The following PRSS23 variants were observed in gnomAD, a reference collection of about 807,000 sequenced individuals.
PRSS23 encodes serine protease 23.
PRSS23 carries 25 observed loss-of-function variants against 34.7 expected under a neutral mutation model. That is an observed-to-expected ratio of 0.72 (90% CI 0.53 to 1.01). PRSS23 has a LOEUF of 1.01. PRSS23 is among the 50% of genes least tolerant of loss of function. The pLI is 0.00. For missense variants in PRSS23, 445 were observed against 475.6 expected, an observed-to-expected ratio of 0.94 and a Z score of 0.60; for synonymous variants, 176 against 186.6, an observed-to-expected ratio of 0.94 and a Z score of 0.46.
intron 2 of PRSS23, among the ~76,000 whole-genome samples, chr11:86,942,418 A>G (rs531037174): frequency 1.9e-3 from 287 of 152,328 alleles, no homozygotes; most frequent in Non-Finnish European, 3.7e-3. Context: ...CATTTACCTC[A>G]TATCAAGTGG....
At chr11:86,803,987 T>C (rs1489663110) in intron 1 of PRSS23, among the ~76,000 whole-genome samples, 2 of 152,166 alleles carry the variant, frequency 1.3e-5, no homozygotes, top group Admixed American at 6.5e-5. Context: ...AAGTAAATGA[T>C]AGTACAGACA....
At chr11:86,926,697 ATTAGGG>A (rs1949084152) in intron 2 of PRSS23, among the ~76,000 whole-genome samples, 1 of 152,138 alleles carries the variant, frequency 6.6e-6, no homozygotes. Flanking sequence ...AAAAACCTCC[ATTAGGG>A]TTACACTCCT....
At chr11:86,843,269 C>G (rs758110979) in intron 2 of PRSS23, among the ~76,000 whole-genome samples, 3 of 152,058 alleles carry the variant, frequency 2.0e-5, no homozygotes, top group Non-Finnish European at 4.4e-5. Context: ...CAAAAATTAA[C>G]TCAAGATGGA....
chr11:86,824,383 A>AT (rs1200369120), intron 2 of PRSS23, among the ~76,000 whole-genome samples: 6 of 143,740 alleles, frequency 4.2e-5, no homozygotes, highest in South Asian at 4.4e-4. Flanking sequence ...ATAAAATAAA[A>AT]AAACAAAATG....
Position 86,810,860 on chromosome 11 carries a change from T to C in PRSS23, c.*2065T>C, listed in dbSNP as rs2135604513. Reference sequence around the variant, plus strand: ...AAATAATTCAACATGTCCATCTTTTTAGTGATAATAAAAGAAAGCATGGTA... The same window carrying C: ...AAATAATTCAACATGTCCATCTTTTCAGTGATAATAAAAGAAAGCATGGTA... On this transcript the variant is annotated 3_prime_UTR_variant, in exon 2 of 2. Transcript: ENST00000280258. 6.0e-6 allele frequency: 1 copy of C among 167,170 alleles called. No homozygotes were observed. Among genetic ancestry groups the C allele is most frequent in the South Asian group, 2.1e-4 (1 of 4,824 alleles). 10.4% of individuals were successfully genotyped at this position (167,170 alleles called of 1,614,324 possible).
chr11:86,898,340 T>G (rs10792878), intron 2 of PRSS23, among the ~76,000 whole-genome samples: 94,934 of 152,068 alleles, frequency 0.62, 30,001 homozygotes, highest in South Asian at 0.71. Context: ...TTTCCTTCAA[T>G]AAATATAGTA....
intron 2 of PRSS23, chr11:86,937,628 A>T (rs962860064): frequency 2.0e-5 from 3 of 152,216 alleles, no homozygotes; most frequent in African/African-American, 7.2e-5. Context: ...CAGCACCATG[A>T]CAGTTTACAG....
chr11:86,927,684 C>A (rs1235821193), intron 2 of PRSS23, among the ~76,000 whole-genome samples: 3 of 152,116 alleles, frequency 2.0e-5, no homozygotes, highest in Non-Finnish European at 4.4e-5. Flanking sequence ...CTTTTCCTTT[C>A]TCCTTCTGAA....
intron 2 of PRSS23, chr11:86,937,863 T>C (rs1379193957): frequency 6.6e-6 from 1 of 152,196 alleles, no homozygotes; most frequent in East Asian, 1.9e-4. Context: ...CCAGTAACCC[T>C]CTTTTGGGGT....
chr11:86,900,615 A>G (rs1948905091), intron 2 of PRSS23, among the ~76,000 whole-genome samples: 1 of 151,926 alleles, frequency 6.6e-6, no homozygotes, highest in Non-Finnish European at 1.5e-5. Flanking sequence ...CTTCCCCACC[A>G]TGACTATGTC....
At chr11:86,901,748 G>A (rs1330032475) in intron 2 of PRSS23, among the ~76,000 whole-genome samples, 5 of 152,082 alleles carry the variant, frequency 3.3e-5, no homozygotes, top group Non-Finnish European at 4.4e-5. Context: ...AGAGAAACCC[G>A]GACCCTACAG....
chr11:86,901,337 A>G (rs968205283), intron 2 of PRSS23, among the ~76,000 whole-genome samples: 4 of 152,140 alleles, frequency 2.6e-5, no homozygotes, highest in African/African-American at 7.2e-5. Flanking sequence ...GGGCATGATA[A>G]ATGTTTAGAG....
chr11:86,847,202 C>T (rs542324200), intron 2 of PRSS23, among the ~76,000 whole-genome samples: 1 of 152,126 alleles, frequency 6.6e-6, no homozygotes, highest in East Asian at 1.9e-4. Flanking sequence ...TCCACCACCC[C>T]CTTTAAGCTT....
intron 2 of PRSS23, among the ~76,000 whole-genome samples, chr11:86,915,133 A>AG (rs5793224): frequency 0.91 from 138,975 of 152,202 alleles, 63,566 homozygotes; most frequent in East Asian, 0.96. Context: ...TTAATTGGAA[A>AG]ACCCGAATTT....
chr11:86,867,175 T>G (rs1262135057), intron 2 of PRSS23, among the ~76,000 whole-genome samples: 1 of 152,198 alleles, frequency 6.6e-6, no homozygotes, highest in Non-Finnish European at 1.5e-5. Flanking sequence ...TTAACCTCAC[T>G]CTTACCATCT....
intron 2 of PRSS23, among the ~76,000 whole-genome samples, chr11:86,943,878 G>A (rs933039277): frequency 3.3e-5 from 5 of 151,706 alleles, no homozygotes; most frequent in African/African-American, 9.7e-5. Flanking sequence ...CAAGTAGCTG[G>A]GACTACAGGC....
intron 2 of PRSS23, among the ~76,000 whole-genome samples, chr11:86,849,731 G>A (rs1157454667): frequency 6.6e-6 from 1 of 152,130 alleles, no homozygotes; most frequent in Non-Finnish European, 1.5e-5. Flanking sequence ...TTTATATCCT[G>A]CTGTACCTAA....
At chr11:86,909,928 A>T (rs1357645680) in intron 2 of PRSS23, 1 of 152,168 alleles carries the variant, frequency 6.6e-6, no homozygotes, top group African/African-American at 2.4e-5. Flanking sequence ...GCATGATTTT[A>T]TTGCACACTC....
chr11:86,910,665 T>G (rs1414521548), intron 2 of PRSS23: 2 of 152,196 alleles, frequency 1.3e-5, no homozygotes, highest in Non-Finnish European at 2.9e-5. Context: ...TTTGGCATTC[T>G]AAATATTCTC....
Sources: allele counts gnomAD v4.1 joint callset (sites outside exome capture counted in the v4.1 genomes callset), GRCh38; gene constraint gnomAD v4.1.1; transcripts MANE v1.5; gene names NCBI Gene and HGNC (gene_info 2026-07-23, HGNC 2026-07-21).